The following STT3A variants were observed in gnomAD, a reference collection of about 807,000 sequenced individuals.
The protein encoded by STT3A is dolichyl-diphosphooligosaccharide--protein glycosyltransferase subunit STT3A.
STT3A carries 34 observed loss-of-function variants against 89.2 expected under a neutral mutation model. That is an observed-to-expected ratio of 0.38 (90% CI 0.29 to 0.51). STT3A has a LOEUF of 0.51. Ranked by LOEUF, STT3A falls within the 20% of genes least tolerant of loss-of-function variation. The probability of loss-of-function intolerance (pLI) is 0.89; values close to 1 mark genes in which losing one functional copy is unlikely to be tolerated. For synonymous variants in STT3A, 282 were observed against 310.3 expected (o/e 0.91, Z 0.96); for missense variants, 555 against 889.5 (o/e 0.62, Z 4.78).
At chr11:125,615,922 T>C (rs1191808048) in intron 15 of STT3A, among the ~76,000 whole-genome samples, 1 of 152,052 alleles carries the variant, frequency 6.6e-6, no homozygotes, top group African/African-American at 2.4e-5. Context: ...ACTTGTAATC[T>C]CAGCTACTTG....
At chr11:125,599,826 G>A (rs1939618044) in intron 3 of STT3A, among the ~76,000 whole-genome samples, 1 of 145,942 alleles carries the variant, frequency 6.9e-6, no homozygotes, top group Admixed American at 7.0e-5. Flanking sequence ...TGCCTCCCGG[G>A]TTCAAGCGAT....
In STT3A at chr11:125,608,194, A is replaced by G; in HGVS notation, c.866A>G (p.Lys289Arg). 1 of 1,614,236 alleles carries G rather than the reference A, an allele frequency of 6.2e-7. No homozygotes were observed. The stretch of plus-strand genomic sequence containing the variant: ...GCCTTTGTGGATTACCTGCGCAGCA[A>G]GTTGAATCCACAACAATTTGAAGTT... ...IHAFVDYLRS[K>R]LNPQQFEVLF... Residue 289 changes from lysine (K) to arginine (R), a missense_variant, in exon 9 of 18, where the codon AAG becomes AGG. Lys to Arg is a conservative substitution (Grantham distance 26). Coordinates refer to ENST00000392708, the MANE Select transcript of STT3A (RefSeq NM_152713.5).
chr11:125,608,644 A>G (rs1274696375), intron 9 of STT3A, among the ~76,000 whole-genome samples: 2 of 152,238 alleles, frequency 1.3e-5, no homozygotes, highest in Non-Finnish European at 2.9e-5. Context: ...AGCTTTTACT[A>G]TTAAATGCAG....
At chr11:125,594,223 T>C (rs1939413051) in intron 1 of STT3A, among the ~76,000 whole-genome samples, 1 of 152,136 alleles carries the variant, frequency 6.6e-6, no homozygotes, top group Non-Finnish European at 1.5e-5. Context: ...AAGCAAAACA[T>C]CTTGAATGGT....
chr11:125,612,930 C>G, intron 12 of STT3A, 59 bp from the exon 13 acceptor site: 1 of 1,586,850 alleles, frequency 6.3e-7, no homozygotes, highest in Middle Eastern at 1.7e-4. Context: ...AAGAAGTTGT[C>G]CTGTGTTGTG....
chr11:125,613,057 G>A lies in STT3A; in HGVS notation c.1434G>A (p.Val478=). The change falls in exon 13 of 18, where the codon GTG becomes GTA. Residue 478 remains valine (V), a synonymous_variant. Coordinates refer to ENST00000392708, the MANE Select transcript of STT3A (RefSeq NM_152713.5). The surrounding 1 kb of genome is among the most constrained non-coding windows in gnomAD (Gnocchi z 4.2). ...LITYTFHSTW[V]TSEAYSSPSI... is the part of the protein sequence containing the mutation. ...CCTACACCTTTCATTCAACCTGGGT[G>A]ACCAGTGAGGCCTACTCTTCTCCGT... 6.2e-7 allele frequency: 1 copy of A among 1,614,176 alleles called. No individual in the cohort carries two copies.
upstream of STT3A, chr11:125,592,705 T>C (rs1182046445): frequency 3.2e-6 from 1 of 309,754 alleles, no homozygotes; most frequent in Non-Finnish European, 6.5e-6. Context: ...ATAGCTGTAA[T>C]GACCAATTAA....
upstream of STT3A, chr11:125,592,005 G>A (rs777722216): frequency 1.2e-4 from 19 of 162,456 alleles, no homozygotes; most frequent in Non-Finnish European, 1.8e-4. Context: ...AGAGAGGCAA[G>A]TTAGGATAGG....
chr11:125,611,241 T>C, intron 10 of STT3A, 187 bp from the exon 11 acceptor site: 2 of 461,430 alleles, frequency 4.3e-6, no homozygotes, highest in East Asian at 7.0e-5. Context: ...ATTTTTTTGC[T>C]ACTTTAAAGT....
At chr11:125,600,249 C>T (rs1213653131) in intron 3 of STT3A, among the ~76,000 whole-genome samples, 1 of 152,116 alleles carries the variant, frequency 6.6e-6, no homozygotes, top group Non-Finnish European at 1.5e-5. Context: ...AGGGTTTCTC[C>T]ATGTTGGTCA....
chr11:125,602,632 T>C, intron 4 of STT3A, 171 bp from the exon 5 acceptor site: 1 of 1,079,732 alleles, frequency 9.3e-7, no homozygotes. Flanking sequence ...TCTAGACTTC[T>C]GATTGAATCC....
At chr11:125,609,073 CAA>C (rs1371819750) in intron 9 of STT3A, among the ~76,000 whole-genome samples, 1 of 152,178 alleles carries the variant, frequency 6.6e-6, no homozygotes, top group Non-Finnish European at 1.5e-5. Flanking sequence ...TGATTTTGCT[CAA>C]GTCTATCTAT....
chr11:125,616,743 T>C (rs1170976825), intron 15 of STT3A, among the ~76,000 whole-genome samples: 1 of 152,242 alleles, frequency 6.6e-6, no homozygotes, highest in African/African-American at 2.4e-5. Context: ...AGTGGCACGA[T>C]GTCTGCTCAC....
intron 6 of STT3A, 152 bp downstream of exon 6, chr11:125,604,399 C>T (rs963526555): frequency 1.4e-6 from 1 of 722,920 alleles, no homozygotes; most frequent in Non-Finnish European, 2.2e-6. Flanking sequence ...AGCTCATGTT[C>T]TCTTCCCATC....
rs1019515074 is a variant in STT3A at position 125,606,564 on chromosome 11, A to T, written c.780+99A>T. Reference sequence around the variant, plus strand: ...GATTCTGTTAAGAAGAGTACGACTTATTCACAGCCTTTATATTGAACTACT... The same window carrying T: ...GATTCTGTTAAGAAGAGTACGACTTTTTCACAGCCTTTATATTGAACTACT... On this transcript the variant is annotated intron_variant, in intron 8 of 17. Transcript: ENST00000392708. 58 of 1,319,286 alleles carry T rather than the reference A, an allele frequency of 4.4e-5. No homozygotes were observed. The African/African-American group carries it at 7.3e-4, about 17-fold the overall frequency. The allele number at this position is 1,319,286 out of a possible 1,614,324, so 81.7% of individuals were successfully genotyped here.
chr11:125,605,702 G>C lies in STT3A; in HGVS notation c.582G>C (p.Trp194Cys). The C allele has an allele frequency of 6.2e-7, 1 of 1,613,786 alleles. No homozygotes were observed. The highest frequency in any genetic ancestry group is 8.5e-7 in the Non-Finnish European group (1 of 1,179,872). The change falls in exon 7 of 18, where the codon TGG becomes TGC. Residue 194 changes from tryptophan to cysteine, a missense_variant. By Grantham distance (215) the Trp-to-Cys change is radical. Coordinates refer to ENST00000392708, the MANE Select transcript of STT3A (RefSeq NM_152713.5). ...CAGTAAAGACTGGTTCCATCTGTTG[G>C]GCAGCTAAGTGTGCCCTTGCTTATT... The part of the protein sequence containing the change: ...IKAVKTGSIC[W>C]AAKCALAYFY...
chr11:125,621,479 A>G lies in STT3A; in HGVS notation c.*669A>G, dbSNP rs2135953615. On this transcript the variant is annotated 3_prime_UTR_variant, in exon 18 of 18. Coordinates refer to ENST00000392708, the MANE Select transcript of STT3A (RefSeq NM_152713.5). The stretch of plus-strand genomic sequence containing the variant: ...AGTGAAATTATTGGTTTATCAATGG[A>G]GAGGAAGAAACTCTTCCAGCATTAC... 2 of 152,360 alleles carry G rather than the reference A, an allele frequency of 1.3e-5. No homozygotes were observed. The highest frequency in any genetic ancestry group is 2.9e-5 in the Non-Finnish European group (2 of 68,044). 9.4% of individuals were successfully genotyped at this position (152,360 alleles called of 1,614,324 possible). A position where few individuals can be genotyped will look rare whatever the true frequency, so the allele number is the denominator to read the frequency against.
Position 125,600,697 on chromosome 11 carries a change from C to G in STT3A, c.150-1606C>G, listed in dbSNP as rs78357869. ...TTTAAATAAGAAACTTAAGGACTTA[C>G]ATATTTTGGGCCTAAAGAACTATCT... On this transcript the variant is annotated intron_variant, in intron 3 of 17. Coordinates refer to ENST00000392708, the MANE Select transcript of STT3A (RefSeq NM_152713.5). Among the ~76,000 whole-genome samples the G allele has an allele frequency of 9.6e-3, 1,468 of 152,260 alleles. 26 individuals are homozygous for G. The highest frequency in any genetic ancestry group is 0.032 in the African/African-American group (1,318 of 41,544).
rs754545101 is a variant in STT3A at position 125,609,466 on chromosome 11, T to G, written c.994T>G (p.Ser332Ala). ...ATCTCCCTGGACGGGGCGTTTCTAC[T>G]CGCTGCTGGATCCCTCTTATGCTAA... is the stretch of plus-strand genomic sequence containing the variant. ...KISPWTGRFY[S>A]LLDPSYAKNN... is the part of the protein sequence containing the mutation. Residue 332 changes from serine to alanine, a missense_variant, in exon 10 of 18, where the codon TCG (serine) becomes GCG (alanine). By Grantham distance (99) the Ser-to-Ala change is moderately conservative (BLOSUM62 1). Transcript: ENST00000392708. 6 of 1,612,856 alleles carry G rather than the reference T, an allele frequency of 3.7e-6. No individual in the cohort carries two copies. In the African/African-American group the frequency reaches 8.0e-5, roughly 22 times the overall value.
Sources: gnomAD v4.1 joint callset for allele counts (sites outside exome capture counted in the v4.1 genomes callset) on GRCh38, gnomAD v4.1.1 for gene constraint, Gnocchi (gnomAD v3.1) non-coding constraint, MANE v1.5 for transcripts, NCBI Gene and HGNC (gene_info 2026-07-23, HGNC 2026-07-21) for gene names.